The following ATP6V0A4 variants were observed in gnomAD, a reference collection of about 807,000 sequenced individuals.
ATP6V0A4 encodes V-type proton ATPase 116 kDa subunit a 4.
ATP6V0A4 carries 86 observed loss-of-function variants against 107.3 expected under a neutral mutation model. That is an observed-to-expected ratio of 0.80 (90% confidence interval 0.67 to 0.96). ATP6V0A4 has a LOEUF of 0.96. ATP6V0A4 is among the 40% of genes least tolerant of loss of function. The pLI, the probability that ATP6V0A4 is intolerant of heterozygous loss-of-function variation, is 0.00. For synonymous variants in ATP6V0A4, 353 were observed against 381.4 expected (o/e 0.93, Z 0.87); for missense variants, 908 against 1,045.6 (o/e 0.87, Z 1.81).
chr7:138,715,498 GC>G (rs984575194), intron 20 of ATP6V0A4, among the ~76,000 whole-genome samples: 23 of 146,782 alleles, frequency 1.6e-4, no homozygotes, highest in African/African-American at 5.8e-4. Flanking sequence ...ACCGTGCCCG[GC>G]CAAATTTGTG....
At chr7:138,715,496 C>T (rs953864479) in intron 20 of ATP6V0A4, among the ~76,000 whole-genome samples, 7 of 147,078 alleles carry the variant, frequency 4.8e-5, no homozygotes, top group East Asian at 3.9e-4. Flanking sequence ...CCACCGTGCC[C>T]GGCCAAATTT....
chr7:138,759,669 C>T, intron 8 of ATP6V0A4, 83 bp downstream of exon 8: 1 of 1,419,578 alleles, frequency 7.0e-7, no homozygotes, highest in Non-Finnish European at 9.9e-7. Context: ...ACTAAAGATC[C>T]CCCATGTTTT....
chr7:138,784,216 A>T (rs1289212334), intron 2 of ATP6V0A4, among the ~76,000 whole-genome samples: 4 of 84,736 alleles, frequency 4.7e-5, no homozygotes, highest in African/African-American at 7.3e-5. Flanking sequence ...CTTAAACATT[A>T]TATATATATA....
Position 138,752,755 on chromosome 7 carries a change from T to C in ATP6V0A4, c.899A>G (p.Gln300Arg), listed in dbSNP as rs1329942351. ...ANWHSWLIKV[Q>R]KMKAVYHILN... is the part of the protein sequence containing the mutation. ...GATGTGGTAGACAGCTTTCATCTTCTGCACCTTGATGAGCCAGGAGTGCCA... is the reference window on the plus strand; with the variant it reads ...GATGTGGTAGACAGCTTTCATCTTCCGCACCTTGATGAGCCAGGAGTGCCA... Residue 300 changes from glutamine to arginine, a missense_variant, in exon 11 of 22, where the codon CAG (glutamine) becomes CGG (arginine). By Grantham distance (43) the Gln-to-Arg change is conservative. Coordinates refer to ENST00000310018, the MANE Select transcript of ATP6V0A4 (RefSeq NM_020632.3). 1 of 1,614,220 alleles carries C rather than the reference T, an allele frequency of 6.2e-7. No individual in the cohort carries two copies. The highest frequency in any genetic ancestry group is 1.1e-5 in the South Asian group (1 of 91,084).
Position 138,747,474 on chromosome 7 carries a change from C to T in ATP6V0A4, c.1271G>A (p.Trp424Ter). Residue 424 changes from tryptophan (W) to a stop codon, truncating the protein, a stop_gained, in exon 13 of 22, where the codon TGG becomes TAG. Coordinates refer to ENST00000310018, the MANE Select transcript of ATP6V0A4 (RefSeq NM_020632.3). LOFTEE classifies it high-confidence loss of function. ...HGTVMLLAALWMILNERRLLS... is the reference protein window; with the variant it reads ...HGTVMLLAAL Reference sequence around the variant, plus strand: ...CAAGCGTCTCTCATTCAGAATCATCCAAAGTGCAGCCAGGAGCATCACGGT... The same window carrying T: ...CAAGCGTCTCTCATTCAGAATCATCTAAAGTGCAGCCAGGAGCATCACGGT... 1.2e-6 allele frequency: 2 copies of T among 1,614,100 alleles called. No individual in the cohort carries two copies. Among genetic ancestry groups the T allele is most frequent in the Non-Finnish European group, 1.7e-6 (2 of 1,180,020 alleles).
At chr7:138,742,957 T>C (rs1805709307) in intron 14 of ATP6V0A4, among the ~76,000 whole-genome samples, 1 of 151,452 alleles carries the variant, frequency 6.6e-6, no homozygotes. Flanking sequence ...GAAAACGTTT[T>C]ATCCTTCATT....
chr7:138,713,715 A>G (rs1357220519), intron 20 of ATP6V0A4, among the ~76,000 whole-genome samples: 1 of 152,090 alleles, frequency 6.6e-6, no homozygotes, highest in Non-Finnish European at 1.5e-5. Flanking sequence ...TAAATATCAG[A>G]TAGAGAGAGA....
chr7:138,738,099 T>C (rs1056211329), intron 15 of ATP6V0A4, among the ~76,000 whole-genome samples: 6 of 152,328 alleles, frequency 3.9e-5, no homozygotes, highest in African/African-American at 1.4e-4. Flanking sequence ...TTGTGTGGTA[T>C]AGATTTTTTT....
chr7:138,718,994 G>A (rs13236659), intron 19 of ATP6V0A4, among the ~76,000 whole-genome samples: 7,975 of 151,972 alleles, frequency 0.052, 278 homozygotes, highest in Non-Finnish European at 0.078. Context: ...GAACCAACCC[G>A]AGCAACAAAG....
At chr7:138,738,820 C>G (rs959002368) in intron 15 of ATP6V0A4, among the ~76,000 whole-genome samples, 8 of 152,118 alleles carry the variant, frequency 5.3e-5, no homozygotes. Flanking sequence ...CAGGTTCTCT[C>G]CCATAAAGAA....
At chr7:138,730,936 T>C (rs1296061760) in intron 17 of ATP6V0A4, among the ~76,000 whole-genome samples, 7 of 138,924 alleles carry the variant, frequency 5.0e-5, no homozygotes, top group African/African-American at 2.2e-4. Context: ...TTCTTCTTTT[T>C]TTATTTTTTT....
At chr7:138,718,365 GGAA>G (rs1804214810) in intron 19 of ATP6V0A4, among the ~76,000 whole-genome samples, 1 of 123,534 alleles carries the variant, frequency 8.1e-6, no homozygotes, top group African/African-American at 3.1e-5. Context: ...AAGGAAGGGG[GGAA>G]TGCAGTCACG....
At position 138,745,142 on chromosome 7, in the gene ATP6V0A4, A is replaced by T; in HGVS notation, c.1459T>A (p.Phe487Ile). 5 of 1,614,130 alleles carry T rather than the reference A, an allele frequency of 3.1e-6. No homozygotes were observed. Among genetic ancestry groups the T allele is most frequent in the Non-Finnish European group, 4.2e-6 (5 of 1,179,924 alleles). ...ACTCACTTCCATGTGCCGTTTCTGA[A>T]CATGGGTTGGACACTCCAAGAAGAG... The part of the protein sequence containing the change: ...FGSSWSVQPM[F>I]RNGTWNTHVM... The change falls in exon 14 of 22, where the codon TTC (phenylalanine) becomes ATC (isoleucine). Residue 487 changes from phenylalanine to isoleucine, a missense_variant. Coordinates refer to ENST00000310018, the MANE Select transcript of ATP6V0A4 (RefSeq NM_020632.3).
At chr7:138,757,207 G>C (rs1024525383) in intron 8 of ATP6V0A4, among the ~76,000 whole-genome samples, 14 of 152,150 alleles carry the variant, frequency 9.2e-5, no homozygotes, top group African/African-American at 3.4e-4. Flanking sequence ...TTAGTTTGAG[G>C]GGGTAAAGGT....
At position 138,774,630 on chromosome 7, in the gene ATP6V0A4, C is replaced by G. The variant is rs12668653; in HGVS notation, c.-17-3366G>C. Among the ~76,000 whole-genome samples, 6 of 41,666 alleles carry G rather than the reference C, an allele frequency of 1.4e-4. No individual in the cohort carries two copies. The South Asian group carries it at 5.8e-3, about 40-fold the overall frequency. 27.3% of individuals were successfully genotyped at this position (41,666 alleles called of 152,430 possible). ...ATCTATATATATAATATATTATATA[C>G]ATTATATATATTATATACATTATAT... On this transcript the variant is annotated intron_variant, in intron 2 of 21. Coordinates refer to ENST00000310018, the MANE Select transcript of ATP6V0A4 (RefSeq NM_020632.3).
chr7:138,730,933 T>TCTTCTTCTTCTTC (rs200188315), intron 17 of ATP6V0A4, among the ~76,000 whole-genome samples: 41 of 134,818 alleles, frequency 3.0e-4, no homozygotes, highest in African/African-American at 1.4e-3. Context: ...TTCTTCTTCT[T>TCTTCTTCTTCTTC]TTTTTATTTT....
Position 138,769,206 on chromosome 7 carries a change from C to T in ATP6V0A4, c.163G>A (p.Val55Ile). The change falls in exon 4 of 22, where the codon GTC becomes ATC. Residue 55 changes from valine (V) to isoleucine (I), a missense_variant. Transcript: ENST00000310018. ...CTCTCCAGTGATTCACACCTTCTGACTTCATTCACAAATTTCCTTTGAAAG... is the reference window on the plus strand; with the variant it reads ...CTCTCCAGTGATTCACACCTTCTGATTTCATTCACAAATTTCCTTTGAAAG... ...NSFQRKFVNE[V>I]RRCESLERIL... The T allele has an allele frequency of 6.2e-7, 1 of 1,612,152 alleles. No homozygotes were observed.
intron 18 of ATP6V0A4, among the ~76,000 whole-genome samples, chr7:138,722,958 T>C (rs1402003052): frequency 6.8e-6 from 1 of 146,952 alleles, no homozygotes; most frequent in African/African-American, 2.5e-5. Flanking sequence ...CTCGGGAGGC[T>C]GAGGAAGGAG....
intron 7 of ATP6V0A4, 34 bp downstream of exon 7, chr7:138,762,306 C>T: frequency 6.2e-7 from 1 of 1,610,808 alleles, no homozygotes; most frequent in East Asian, 2.2e-5. Flanking sequence ...TCGCCAGGAC[C>T]AGGGACCCAT....
Sources: gnomAD v4.1 joint callset for allele counts (sites outside exome capture counted in the v4.1 genomes callset) on GRCh38, gnomAD v4.1.1 for gene constraint, MANE v1.5 for transcripts, NCBI Gene and HGNC (gene_info 2026-07-23, HGNC 2026-07-21) for gene names.